The following NR2F1-AS1 variants were observed in gnomAD, a reference collection of about 807,000 sequenced individuals.
NR2F1-AS1 encodes the protein NR2F1 antisense RNA 1.
intron 4 of NR2F1-AS1, among the ~76,000 whole-genome samples, chr5:93,465,149 T>C (rs903514575): frequency 2.6e-5 from 4 of 152,192 alleles, no homozygotes; most frequent in Admixed American, 1.3e-4. Flanking sequence ...ACCTACAGAA[T>C]GGGAGAAAAT....
At chr5:93,474,940 A>C (rs1291321733) in intron 4 of NR2F1-AS1, among the ~76,000 whole-genome samples, 1 of 152,108 alleles carries the variant, frequency 6.6e-6, no homozygotes, top group Non-Finnish European at 1.5e-5. Flanking sequence ...CCTGGCTAAC[A>C]CGGTGAAACC....
chr5:93,485,168 T>A (rs1750688990), intron 4 of NR2F1-AS1, among the ~76,000 whole-genome samples: 1 of 152,196 alleles, frequency 6.6e-6, no homozygotes, highest in African/African-American at 2.4e-5. Context: ...TACATTCATC[T>A]CAGCACCACA....
intron 2 of NR2F1-AS1, among the ~76,000 whole-genome samples, chr5:93,556,971 A>C (rs1442456110): frequency 6.6e-6 from 1 of 152,222 alleles, no homozygotes; most frequent in South Asian, 2.1e-4. Context: ...GTAAGATTAC[A>C]AATCAAAAAA....
At chr5:93,459,744 G>A (rs2149862506) in intron 4 of NR2F1-AS1, among the ~76,000 whole-genome samples, 1 of 152,236 alleles carries the variant, frequency 6.6e-6, no homozygotes, top group South Asian at 2.1e-4. Flanking sequence ...AGGAGTGACA[G>A]TAGAAAGCAG....
intron 4 of NR2F1-AS1, among the ~76,000 whole-genome samples, chr5:93,545,484 G>A (rs746360195): frequency 7.2e-5 from 11 of 152,118 alleles, no homozygotes; most frequent in Non-Finnish European, 1.2e-4. Context: ...TTAATGTTTT[G>A]GAAGAGTCAC....
chr5:93,552,177 T>C (rs1343449522), intron 4 of NR2F1-AS1, among the ~76,000 whole-genome samples: 9 of 152,108 alleles, frequency 5.9e-5, no homozygotes, highest in Admixed American at 5.9e-4. Flanking sequence ...GAAGAAGACA[T>C]AAGTAAATAA....
At chr5:93,449,032 G>GT (rs1482215687) in intron 4 of NR2F1-AS1, among the ~76,000 whole-genome samples, 1 of 151,956 alleles carries the variant, frequency 6.6e-6, no homozygotes, top group East Asian at 1.9e-4. Flanking sequence ...TATTTACAAA[G>GT]TTTTTTTATT....
At chr5:93,559,413 T>C (rs1264159746) in intron 2 of NR2F1-AS1, among the ~76,000 whole-genome samples, 1 of 152,208 alleles carries the variant, frequency 6.6e-6, no homozygotes, top group Non-Finnish European at 1.5e-5. Flanking sequence ...CCACTCACAA[T>C]TTCTCTACAA....
chr5:93,445,559 C>T (rs967420229), intron 4 of NR2F1-AS1, among the ~76,000 whole-genome samples: 9 of 151,944 alleles, frequency 5.9e-5, no homozygotes, highest in Non-Finnish European at 1.3e-4. Context: ...TAATTAATAG[C>T]CTACCAATCA....
chr5:93,503,272 A>G (rs1751120654), intron 4 of NR2F1-AS1, among the ~76,000 whole-genome samples: 1 of 152,202 alleles, frequency 6.6e-6, no homozygotes, highest in Non-Finnish European at 1.5e-5. Context: ...ATACAGCAAG[A>G]ACCAAAAGAA....
At chr5:93,445,180 C>T (rs573636741) in intron 4 of NR2F1-AS1, among the ~76,000 whole-genome samples, 17 of 151,708 alleles carry the variant, frequency 1.1e-4, no homozygotes, top group Admixed American at 2.6e-4. Context: ...AGCTAGCAGA[C>T]GGCAAGAAAT....
intron 4 of NR2F1-AS1, among the ~76,000 whole-genome samples, chr5:93,501,356 A>ATTT (rs70975858): frequency 3.7e-4 from 51 of 137,218 alleles, no homozygotes; most frequent in Non-Finnish European, 5.1e-4. Flanking sequence ...GTTTGGGGGA[A>ATTT]TTTTTTTTTT....
intron 4 of NR2F1-AS1, among the ~76,000 whole-genome samples, chr5:93,513,299 A>C (rs1476477567): frequency 1.3e-5 from 2 of 152,212 alleles, no homozygotes; most frequent in African/African-American, 2.4e-5. Flanking sequence ...TGAACCTAGC[A>C]ATCCCATTAC....
intron 4 of NR2F1-AS1, among the ~76,000 whole-genome samples, chr5:93,468,805 T>C (rs1167144291): frequency 6.6e-6 from 1 of 152,212 alleles, no homozygotes; most frequent in Non-Finnish European, 1.5e-5. Context: ...CTTTAATCCA[T>C]CTTGAGTTAA....
rs142736227 is a variant in NR2F1-AS1 at position 93,441,384 on chromosome 5, C to T, written n.639-45842G>A. 4.2e-3 allele frequency among the ~76,000 whole-genome samples: 644 copies of T among 152,242 alleles called. 5 individuals are homozygous for T. The highest frequency in any genetic ancestry group is 0.015 in the African/African-American group (608 of 41,542). ...TTACCTAGAGTGATCAACATAGCAC[C>T]TCAAAAAAGTCAAAGAAGAGAGACC... On this transcript the variant is annotated intron_variant and non_coding_transcript_variant, in intron 4 of 5. Transcript: ENST00000660523.
intron 1 of NR2F1-AS1, among the ~76,000 whole-genome samples, chr5:93,568,596 A>T (rs1752668378): frequency 6.6e-6 from 1 of 152,260 alleles, no homozygotes; most frequent in Admixed American, 6.5e-5. Context: ...GTAAAACCCC[A>T]GAATACCTAG....
At chr5:93,428,995 T>C (rs912344733) in intron 4 of NR2F1-AS1, among the ~76,000 whole-genome samples, 89 of 152,328 alleles carry the variant, frequency 5.8e-4, no homozygotes, top group African/African-American at 2.1e-3. Context: ...CTTTGTAGAA[T>C]GACTAATGGT....
chr5:93,435,656 G>C (rs568742620), intron 4 of NR2F1-AS1, among the ~76,000 whole-genome samples: 33 of 152,154 alleles, frequency 2.2e-4, no homozygotes, highest in Non-Finnish European at 4.4e-4. Context: ...TGCCCCTCCT[G>C]ATGCCCCATC....
At chr5:93,473,700 A>G (rs1419909810) in intron 4 of NR2F1-AS1, among the ~76,000 whole-genome samples, 1 of 151,530 alleles carries the variant, frequency 6.6e-6, no homozygotes, top group Non-Finnish European at 1.5e-5. Context: ...ACACACACAC[A>G]TACACACACA....
Sources: allele counts gnomAD v4.1 joint callset (sites outside exome capture counted in the v4.1 genomes callset), GRCh38; gene constraint gnomAD v4.1.1; transcripts MANE v1.5; gene names NCBI Gene and HGNC (gene_info 2026-07-23, HGNC 2026-07-21).